ATP10B: variants seen among roughly 807,000 people sequenced by gnomAD.
The protein encoded by ATP10B is phospholipid-transporting ATPase VB.
Under a neutral mutation model 141.2 loss-of-function variants are expected in ATP10B, and 122 were observed. The ratio of observed to expected loss-of-function variants is 0.86; its 90% confidence interval spans 0.75 to 1.00. ATP10B has a LOEUF of 1.00. Among genes scored for constraint, ATP10B ranks in the 50% least tolerant of loss-of-function variants. The pLI is 0.00. For synonymous variants in ATP10B, 685 were observed against 692.0 expected (o/e 0.99, Z 0.16); for missense variants, 1,876 against 1,825.3 (o/e 1.03, Z -0.51).
At position 160,602,727 on chromosome 5, in the gene ATP10B, A is replaced by G. The variant is rs779540708; in HGVS notation, c.3238-25T>C. 3 of 1,613,136 alleles carry G rather than the reference A, an allele frequency of 1.9e-6. No homozygotes were observed. In the East Asian group the frequency reaches 6.7e-5, roughly 36 times the overall value. On this transcript the variant is annotated intron_variant, in intron 20 of 25. Transcript: ENST00000327245. Reference sequence around the variant, plus strand: ...CCTGAGAGGTGAGAACAGACACATCAGCTTCCATCCATGGCTGCCAGTGCC... The same window carrying G: ...CCTGAGAGGTGAGAACAGACACATCGGCTTCCATCCATGGCTGCCAGTGCC...
At chr5:160,889,525 T>A in the ATP10B span, among the ~76,000 whole-genome samples, 1 of 152,202 alleles carries the variant, frequency 6.6e-6, no homozygotes, top group Non-Finnish European at 1.5e-5. Flanking sequence ...GTAGCCTGAG[T>A]GGTATTTTCA....
intron 2 of ATP10B, among the ~76,000 whole-genome samples, chr5:160,780,990 G>C (rs1326661994): frequency 6.6e-6 from 1 of 152,126 alleles, no homozygotes; most frequent in Admixed American, 6.6e-5. Flanking sequence ...TTTTGAAATA[G>C]GGAACATATC....
intron 6 of ATP10B, among the ~76,000 whole-genome samples, chr5:160,682,767 C>T (rs1451013567): frequency 2.0e-5 from 3 of 151,976 alleles, no homozygotes; most frequent in Non-Finnish European, 2.9e-5. Context: ...CGGCCGGGCG[C>T]GGTGGCTCAC....
intron 7 of ATP10B, among the ~76,000 whole-genome samples, chr5:160,668,297 G>C (rs1223490240): frequency 6.6e-6 from 1 of 151,820 alleles, no homozygotes; most frequent in Non-Finnish European, 1.5e-5. Context: ...GTGAGGCTAA[G>C]GTGTCATTCT....
chr5:160,686,379 T>C, intron 5 of ATP10B, 106 bp from the exon 6 acceptor site: 1 of 746,374 alleles, frequency 1.3e-6, no homozygotes, highest in Non-Finnish European at 2.0e-6. Context: ...ACCTTCTCTT[T>C]CAGTATCACC....
intron 1 of ATP10B, among the ~76,000 whole-genome samples, chr5:160,819,421 G>A (rs916234252): frequency 5.9e-5 from 9 of 152,126 alleles, no homozygotes; most frequent in African/African-American, 9.7e-5. Flanking sequence ...CCTACAAGAA[G>A]TATTAAAGGG....
chr5:160,806,637 C>T (rs1345144721), intron 1 of ATP10B, among the ~76,000 whole-genome samples: 1 of 152,206 alleles, frequency 6.6e-6, no homozygotes, highest in African/African-American at 2.4e-5. Context: ...TTAACATGGA[C>T]TGAACTCTTA....
At chr5:160,858,324 T>A in the ATP10B span, among the ~76,000 whole-genome samples, 324 of 151,964 alleles carry the variant, frequency 2.1e-3, no homozygotes, top group African/African-American at 7.5e-3. Flanking sequence ...TATATCTTTT[T>A]CCATCCTTTT....
the ATP10B span, among the ~76,000 whole-genome samples, chr5:160,926,387 G>A: frequency 6.6e-6 from 1 of 152,150 alleles, no homozygotes; most frequent in Non-Finnish European, 1.5e-5. Flanking sequence ...AATTGTTAGG[G>A]CTCTGAGTTG....
chr5:160,685,749 A>G (rs2127744291), intron 6 of ATP10B, among the ~76,000 whole-genome samples: 1 of 152,298 alleles, frequency 6.6e-6, no homozygotes, highest in East Asian at 1.9e-4. Context: ...ATACAACTTA[A>G]ACAAGTTTTC....
At chr5:160,791,047 G>A (rs2127908012) in intron 1 of ATP10B, among the ~76,000 whole-genome samples, 1 of 152,244 alleles carries the variant, frequency 6.6e-6, no homozygotes, top group South Asian at 2.1e-4. Flanking sequence ...TAAAAGCTGG[G>A]AATAGACCTC....
At chr5:160,724,251 CTTTTTTT>C (rs35786358) in intron 2 of ATP10B, among the ~76,000 whole-genome samples, 62 of 107,088 alleles carry the variant, frequency 5.8e-4, no homozygotes, top group Non-Finnish European at 6.4e-4. Flanking sequence ...GCTATAATTC[CTTTTTTT>C]TTTTTTTTTT....
intron 3 of ATP10B, among the ~76,000 whole-genome samples, chr5:160,699,548 G>A (rs534248196): frequency 6.6e-6 from 1 of 152,308 alleles, no homozygotes; most frequent in East Asian, 1.9e-4. Flanking sequence ...CAGGCATGGA[G>A]CAAGATCTGG....
chr5:160,900,826 G>A, the ATP10B span, among the ~76,000 whole-genome samples: 1 of 147,432 alleles, frequency 6.8e-6, no homozygotes, highest in African/African-American at 2.5e-5. Context: ...AAATATTTGT[G>A]ATGAACACAT....
chr5:160,703,481 GTTT>G lies in ATP10B; in HGVS notation c.-205+13425_-205+13427del, dbSNP rs34636305. Among the ~76,000 whole-genome samples the G allele has an allele frequency of 8.1e-3, 1,198 of 147,790 alleles. 18 individuals are homozygous for G. Among genetic ancestry groups the G allele is most frequent in the African/African-American group, 0.026 (1,057 of 40,276 alleles). ...GGAGAGTTTTGTCTTGATGATATTT[GTTT>G]TTTTTTTTTTTAGATGGAGTCTCAC... On this transcript the variant is annotated intron_variant, in intron 3 of 25. Transcript: ENST00000327245.
chr5:160,762,103 T>C (rs1259154158), intron 2 of ATP10B, among the ~76,000 whole-genome samples: 1 of 152,196 alleles, frequency 6.6e-6, no homozygotes, highest in Non-Finnish European at 1.5e-5. Flanking sequence ...ATTGGTTTTC[T>C]TGAGGAAGAA....
chr5:160,649,993 C>T (rs745978496), intron 7 of ATP10B, among the ~76,000 whole-genome samples: 60 of 151,910 alleles, frequency 3.9e-4, no homozygotes, highest in Middle Eastern at 3.4e-3. Context: ...CCTCTAATCT[C>T]AGCTACTCGG....
chr5:160,601,249 T>A (rs1470320030), intron 21 of ATP10B, among the ~76,000 whole-genome samples: 1 of 152,206 alleles, frequency 6.6e-6, no homozygotes, highest in East Asian at 1.9e-4. Context: ...CAGAAAGTCA[T>A]TCCTGAGCAA....
chr5:160,834,842 C>A (rs1028663613), intron 1 of ATP10B, among the ~76,000 whole-genome samples: 1 of 152,020 alleles, frequency 6.6e-6, no homozygotes, highest in Admixed American at 6.6e-5. Context: ...TCTGTAAGAC[C>A]TTGGTATCTT....
Sources: gnomAD v4.1 joint callset for allele counts (sites outside exome capture counted in the v4.1 genomes callset) on GRCh38, gnomAD v4.1.1 for gene constraint, MANE v1.5 for transcripts, NCBI Gene and HGNC (gene_info 2026-07-23, HGNC 2026-07-21) for gene names.